The following AP3B1 variants were observed in gnomAD, a reference collection of about 807,000 sequenced individuals.
The protein encoded by AP3B1 is adaptor related protein complex 3 subunit beta 1.
Under a neutral mutation model 132.5 loss-of-function variants are expected in AP3B1, and 61 were observed. The observed-to-expected ratio is 0.46, with a 90% confidence interval of 0.37 to 0.57. The LOEUF (loss-of-function observed/expected upper bound fraction) is 0.57. AP3B1 is among the 20% of genes least tolerant of loss of function. AP3B1 has a pLI of 0.00. For missense variants in AP3B1, 1,120 were observed against 1,289.4 expected, an observed-to-expected ratio of 0.87 and a Z score of 2.01; for synonymous variants, 388 against 438.3, an observed-to-expected ratio of 0.89 and a Z score of 1.43.
chr5:78,049,659 G>A (rs761263810), intron 22 of AP3B1, among the ~76,000 whole-genome samples: 4 of 152,140 alleles, frequency 2.6e-5, no homozygotes, highest in Admixed American at 6.5e-5. Context: ...CTGCCACTGT[G>A]GCCAGCCCGG....
At chr5:78,119,069 C>G (rs1170580875) in intron 17 of AP3B1, among the ~76,000 whole-genome samples, 1 of 152,168 alleles carries the variant, frequency 6.6e-6, no homozygotes, top group Non-Finnish European at 1.5e-5. Context: ...CTGCTGATAC[C>G]CAGGCAACAG....
At chr5:78,046,825 G>T (rs1365898139) in intron 22 of AP3B1, among the ~76,000 whole-genome samples, 2 of 152,004 alleles carry the variant, frequency 1.3e-5, no homozygotes, top group African/African-American at 2.4e-5. Context: ...TCTATATTAG[G>T]TATTTCTCCT....
chr5:78,090,724 C>A (rs1271911343), intron 21 of AP3B1, among the ~76,000 whole-genome samples: 1 of 152,188 alleles, frequency 6.6e-6, no homozygotes, highest in Non-Finnish European at 1.5e-5. Flanking sequence ...AAATACATTA[C>A]AATGTGGTCA....
At chr5:78,039,322 T>A in intron 22 of AP3B1, 48 bp from the exon 23 acceptor site, 1 of 1,425,382 alleles carries the variant, frequency 7.0e-7, no homozygotes, top group Non-Finnish European at 9.9e-7. Context: ...TGAATATAAT[T>A]ATTCTTTTAG....
At chr5:78,031,213 C>A (rs1418337626) in intron 24 of AP3B1, among the ~76,000 whole-genome samples, 1 of 152,140 alleles carries the variant, frequency 6.6e-6, no homozygotes, top group African/African-American at 2.4e-5. Context: ...ACTATCATTA[C>A]TATGGGTCTC....
chr5:78,187,482 A>T (rs560601506), intron 7 of AP3B1, among the ~76,000 whole-genome samples: 10 of 152,310 alleles, frequency 6.6e-5, no homozygotes, highest in African/African-American at 2.4e-4. Context: ...TATTTTAATG[A>T]AAGACACATA....
At chr5:78,085,405 G>C (rs1415006950) in intron 22 of AP3B1, among the ~76,000 whole-genome samples, 1 of 151,952 alleles carries the variant, frequency 6.6e-6, no homozygotes, top group African/African-American at 2.4e-5. Context: ...TATTGAAGTA[G>C]AATATACATA....
intron 13 of AP3B1, among the ~76,000 whole-genome samples, chr5:78,159,925 A>T (rs150884701): frequency 7.9e-5 from 12 of 152,252 alleles, no homozygotes; most frequent in African/African-American, 2.4e-4. Flanking sequence ...ACAAATCTTA[A>T]TGGACCTAAC....
intron 1 of AP3B1, among the ~76,000 whole-genome samples, chr5:78,287,751 A>G (rs1463564694): frequency 2.8e-5 from 1 of 36,092 alleles, no homozygotes; most frequent in Non-Finnish European, 6.9e-5. Context: ...TACCCCTTGT[A>G]AAAAAAAAAA....
intron 21 of AP3B1, among the ~76,000 whole-genome samples, chr5:78,094,985 G>C (rs1350980018): frequency 6.6e-6 from 1 of 152,124 alleles, no homozygotes. Flanking sequence ...CTGGCCAACT[G>C]ATGCTTTCTT....
At chr5:78,254,729 A>T (rs1325274460) in intron 2 of AP3B1, among the ~76,000 whole-genome samples, 1 of 152,216 alleles carries the variant, frequency 6.6e-6, no homozygotes, top group African/African-American at 2.4e-5. Context: ...AATGACATTA[A>T]TGAGCAATAA....
intron 26 of AP3B1, among the ~76,000 whole-genome samples, chr5:78,008,734 G>A (rs529201216): frequency 6.6e-6 from 1 of 152,122 alleles, no homozygotes; most frequent in African/African-American, 2.4e-5. Context: ...AATGAAGAAG[G>A]TTGACAGTAG....
intron 2 of AP3B1, among the ~76,000 whole-genome samples, chr5:78,251,561 C>T (rs1747636037): frequency 6.6e-6 from 1 of 152,192 alleles, no homozygotes; most frequent in Non-Finnish European, 1.5e-5. Flanking sequence ...TTGTGAGGCA[C>T]TGAACTCTGT....
chr5:78,244,866 G>A (rs181172377), intron 2 of AP3B1, among the ~76,000 whole-genome samples: 15 of 151,958 alleles, frequency 9.9e-5, no homozygotes, highest in Admixed American at 6.5e-4. Flanking sequence ...GTGGTGGTAC[G>A]TGCCTGTAAT....
At chr5:78,214,234 T>C (rs1166079362) in intron 7 of AP3B1, among the ~76,000 whole-genome samples, 1 of 152,138 alleles carries the variant, frequency 6.6e-6, no homozygotes, top group Non-Finnish European at 1.5e-5. Context: ...AGTTAACATG[T>C]GAAAACACCA....
In AP3B1 at chr5:78,177,351, A is replaced by C. The variant is rs1195117158; in HGVS notation, c.1028T>G (p.Leu343Arg). The C allele has an allele frequency of 6.2e-7, 1 of 1,612,900 alleles. No individual in the cohort carries two copies. The change falls in exon 9 of 27, where the codon CTT becomes CGT. Residue 343 changes from leucine to arginine, a missense_variant. This residue lies in a region of AP3B1 where 906 missense variants were observed against 997.1 expected (regional missense o/e 0.91). Coordinates refer to ENST00000255194, the MANE Select transcript of AP3B1 (RefSeq NM_003664.5). ...AATCATGACCTACCTATTGCTACGA[A>C]GTAAACGCACTAGTGATTTAGAAAT... is the stretch of plus-strand genomic sequence containing the variant. ...GIISKSLVRL[L>R]RSNREVQYIV...
At chr5:78,080,261 A>G (rs1749935990) in intron 22 of AP3B1, among the ~76,000 whole-genome samples, 2 of 152,072 alleles carry the variant, frequency 1.3e-5, no homozygotes, top group African/African-American at 4.8e-5. Context: ...CGCCTGCCTC[A>G]GCCTCCCAAA....
At chr5:78,176,769 C>T (rs573271407) in intron 9 of AP3B1, among the ~76,000 whole-genome samples, 12 of 152,256 alleles carry the variant, frequency 7.9e-5, no homozygotes, top group African/African-American at 2.9e-4. Flanking sequence ...AGGTGGCATG[C>T]TCTTTCTGTC....
intron 2 of AP3B1, among the ~76,000 whole-genome samples, chr5:78,248,874 T>C (rs966386730): frequency 1.3e-5 from 2 of 152,246 alleles, no homozygotes; most frequent in South Asian, 2.1e-4. Flanking sequence ...TTCCACTCTC[T>C]TCTGGCTGCC....
Sources: allele counts gnomAD v4.1 joint callset (sites outside exome capture counted in the v4.1 genomes callset), GRCh38; gene constraint gnomAD v4.1.1; regional missense constraint gnomAD v4.1.1; transcripts MANE v1.5; gene names NCBI Gene and HGNC (gene_info 2026-07-23, HGNC 2026-07-21).